Variants in HERC3 observed in about 807,000 individuals in gnomAD.
HERC3 encodes probable E3 ubiquitin-protein ligase HERC3.
A neutral mutation model predicts 129.9 loss-of-function variants in HERC3; 58 were observed. The ratio of observed to expected loss-of-function variants is 0.45; its 90% CI spans 0.36 to 0.56. The LOEUF is 0.56. Among genes scored for constraint, HERC3 ranks in the 20% least tolerant of loss-of-function variants. The pLI is 0.00. For missense variants in HERC3, 835 were observed against 1,244.2 expected (o/e 0.67, Z 4.95); for synonymous variants, 430 against 451.0 (o/e 0.95, Z 0.59).
chr4:88,551,930 T>C, the HERC3 span, among the ~76,000 whole-genome samples: 1 of 152,134 alleles, frequency 6.6e-6, no homozygotes, highest in African/African-American at 2.4e-5. Context: ...GTGGCACATA[T>C]ACACCATGGA....
At chr4:88,533,538 C>T in the HERC3 span, among the ~76,000 whole-genome samples, 1 of 152,204 alleles carries the variant, frequency 6.6e-6, no homozygotes, top group African/African-American at 2.4e-5. Context: ...CTACTATCCC[C>T]TGCCCTTTCT....
intron 3 of HERC3, among the ~76,000 whole-genome samples, chr4:88,644,240 A>G (rs1362231398): frequency 6.6e-6 from 1 of 152,102 alleles, no homozygotes; most frequent in Non-Finnish European, 1.5e-5. Context: ...TCTTTTTTTT[A>G]AATAAACATA....
chr4:88,573,038 A>T, the HERC3 span, among the ~76,000 whole-genome samples: 1 of 152,202 alleles, frequency 6.6e-6, no homozygotes, highest in Non-Finnish European at 1.5e-5. Flanking sequence ...AGAACAGGAA[A>T]AGTATTCACT....
At chr4:88,557,227 T>A in the HERC3 span, among the ~76,000 whole-genome samples, 1 of 152,240 alleles carries the variant, frequency 6.6e-6, no homozygotes, top group African/African-American at 2.4e-5. Context: ...GATTTGTAGT[T>A]GGTTTAACTG....
At chr4:88,656,307 G>A in intron 9 of HERC3, 1 of 410,868 alleles carries the variant, frequency 2.4e-6, no homozygotes, top group South Asian at 3.7e-5. Context: ...GAAGAAAAGA[G>A]TTTTAATTGG....
At chr4:88,633,876 A>G (rs944108305) in intron 3 of HERC3, among the ~76,000 whole-genome samples, 3 of 152,246 alleles carry the variant, frequency 2.0e-5, no homozygotes, top group Admixed American at 6.5e-5. Flanking sequence ...AGTAAAGCTT[A>G]AAGTAGGCAA....
chr4:88,632,426 A>C (rs1002119508), intron 3 of HERC3, among the ~76,000 whole-genome samples: 1 of 152,272 alleles, frequency 6.6e-6, no homozygotes, highest in African/African-American at 2.4e-5. Context: ...GAAAATTTCA[A>C]CTTGCATGGG....
intron 1 of HERC3, among the ~76,000 whole-genome samples, chr4:88,594,447 A>T (rs1208230462): frequency 2.6e-5 from 4 of 152,184 alleles, no homozygotes; most frequent in Non-Finnish European, 5.9e-5. Context: ...TCTGTTGCAC[A>T]GGCTGGAGTG....
At chr4:88,701,070 A>G (rs1254261269) in intron 23 of HERC3, among the ~76,000 whole-genome samples, 1 of 152,174 alleles carries the variant, frequency 6.6e-6, no homozygotes, top group African/African-American at 2.4e-5. Context: ...TATAAAATTA[A>G]CCATCACAGT....
Position 88,664,238 on chromosome 4 carries a change from C to A in HERC3, c.1331+26C>A, listed in dbSNP as rs1055776133. On this transcript the variant is annotated intron_variant, in intron 12 of 25. Coordinates refer to ENST00000402738, the MANE Select transcript of HERC3 (RefSeq NM_014606.3). ...GTAAGTGACTTAGAGCCTTAAAAAA[C>A]CCTCACGTGTACCTGTAGTCTCAAG... 40 of 1,562,926 alleles carry A rather than the reference C, an allele frequency of 2.6e-5. No homozygotes were observed. In the African/African-American group the frequency reaches 4.4e-4, roughly 17 times the overall value.
chr4:88,542,839 C>T, the HERC3 span, among the ~76,000 whole-genome samples: 2 of 152,186 alleles, frequency 1.3e-5, no homozygotes, highest in African/African-American at 4.8e-5. Context: ...ACAGAAACCA[C>T]ACAATTTTCT....
intron 12 of HERC3, among the ~76,000 whole-genome samples, chr4:88,665,763 G>A (rs1730980387): frequency 6.6e-6 from 1 of 152,172 alleles, no homozygotes; most frequent in South Asian, 2.1e-4. Flanking sequence ...GTTACATTTA[G>A]AGATTATAAA....
chr4:88,593,120 A>C (rs1368703084), intron 1 of HERC3: 3 of 152,068 alleles, frequency 2.0e-5, no homozygotes, highest in South Asian at 4.1e-4. Context: ...GACGCGGTGC[A>C]CGGCGTCCGC....
intron 9 of HERC3, among the ~76,000 whole-genome samples, chr4:88,657,761 A>G (rs964780652): frequency 7.2e-5 from 11 of 152,104 alleles, no homozygotes; most frequent in African/African-American, 2.7e-4. Flanking sequence ...TGTGCCTCGA[A>G]GGATGATTTG....
the HERC3 span, among the ~76,000 whole-genome samples, chr4:88,571,973 T>A: frequency 1.3e-5 from 2 of 151,976 alleles, no homozygotes; most frequent in East Asian, 3.9e-4. Flanking sequence ...CAAGAGGTAA[T>A]TAAGTTAAAG....
At chr4:88,579,219 TAAAAAAAA>T in the HERC3 span, among the ~76,000 whole-genome samples, 316 of 117,000 alleles carry the variant, frequency 2.7e-3, 5 homozygotes, top group Middle Eastern at 9.3e-3. Context: ...CTGTCTCTAC[TAAAAAAAA>T]AAAAAATATA....
chr4:88,697,616 C>T, intron 23 of HERC3: 1 of 1,609,286 alleles, frequency 6.2e-7, no homozygotes, highest in Non-Finnish European at 8.5e-7. Flanking sequence ...TGACCAGCCG[C>T]GCTGTCAGGG....
intron 16 of HERC3, 38 bp from the exon 17 acceptor site, chr4:88,676,180 C>T: frequency 1.4e-6 from 2 of 1,457,616 alleles, no homozygotes; most frequent in Non-Finnish European, 1.9e-6. Flanking sequence ...TCAGGGTTTA[C>T]AATTTAAGTA....
At chr4:88,583,373 T>C in the HERC3 span, among the ~76,000 whole-genome samples, 1 of 151,506 alleles carries the variant, frequency 6.6e-6, no homozygotes, top group African/African-American at 2.4e-5. Flanking sequence ...GAGGTGGAGG[T>C]TGCAGTGAGC....
Sources: allele counts gnomAD v4.1 joint callset (sites outside exome capture counted in the v4.1 genomes callset), GRCh38; gene constraint gnomAD v4.1.1; transcripts MANE v1.5; gene names NCBI Gene and HGNC (gene_info 2026-07-23, HGNC 2026-07-21).